Variants in MEF2A observed in about 807,000 individuals in gnomAD.
MEF2A encodes myocyte enhancer factor 2A, also known as myocyte-specific enhancer factor 2A.
In MEF2A, 28 loss-of-function variants were observed where a neutral mutation model predicts 55.8. The observed-to-expected ratio is 0.50, with a 90% CI of 0.37 to 0.69. MEF2A has a LOEUF of 0.69. Ranked by LOEUF, MEF2A falls within the 30% of genes least tolerant of loss-of-function variation. MEF2A has a pLI of 0.00. For synonymous variants in MEF2A, 239 were observed against 227.1 expected (o/e 1.05, Z -0.47); for missense variants, 528 against 626.2 (o/e 0.84, Z 1.67).
chr15:99,624,578 G>A (rs1459245804), intron 2 of MEF2A, among the ~76,000 whole-genome samples: 1 of 152,086 alleles, frequency 6.6e-6, no homozygotes, highest in Non-Finnish European at 1.5e-5. Flanking sequence ...GATTACTGTA[G>A]CATTATAGTA....
chr15:99,581,235 T>C (rs1965822408), intron 1 of MEF2A, among the ~76,000 whole-genome samples: 1 of 152,136 alleles, frequency 6.6e-6, no homozygotes, highest in African/African-American at 2.4e-5. Flanking sequence ...TTTGTAAAAA[T>C]ATCAACCAGA....
intron 7 of MEF2A, chr15:99,678,627 C>G (rs761577980): frequency 2.2e-5 from 22 of 984,002 alleles, no homozygotes; most frequent in Non-Finnish European, 2.7e-5. Context: ...TGCCTGCTTC[C>G]CTAAAATTGG....
chr15:99,600,897 A>G (rs940788982), intron 2 of MEF2A, among the ~76,000 whole-genome samples: 6 of 152,008 alleles, frequency 3.9e-5, no homozygotes, highest in East Asian at 1.9e-4. Context: ...ATTTCTTTCT[A>G]TGTAGTTTAG....
Position 99,711,071 on chromosome 15 carries a change from A to G in MEF2A, c.1136+311A>G, listed in dbSNP as rs55945746. Among the ~76,000 whole-genome samples the G allele has an allele frequency of 2.9e-3, 435 of 152,234 alleles. 1 individual carries two copies. The highest frequency in any genetic ancestry group is 4.7e-3 in the Non-Finnish European group (322 of 68,000). ...GGCACAGATACCACCCGCATGCACC[A>G]TCCTTCTGCCCTCTGACCAGTGATG... On this transcript the variant is annotated intron_variant, in intron 11 of 11. Transcript: ENST00000557942.
chr15:99,566,336 G>A (rs1959325142), intron 1 of MEF2A: 1 of 149,364 alleles, frequency 6.7e-6, no homozygotes, highest in African/African-American at 2.5e-5. Flanking sequence ...GTGCTGGGAG[G>A]CGGGTAGGGT....
At chr15:99,666,781 A>G (rs1272004794) in intron 4 of MEF2A, among the ~76,000 whole-genome samples, 2 of 152,060 alleles carry the variant, frequency 1.3e-5, no homozygotes, top group Admixed American at 6.5e-5. Context: ...CCCTAGAAAT[A>G]TTTTTAGGCA....
intron 2 of MEF2A, among the ~76,000 whole-genome samples, chr15:99,632,390 G>A (rs1449318949): frequency 1.3e-5 from 2 of 152,146 alleles, no homozygotes; most frequent in Non-Finnish European, 2.9e-5. Context: ...TGGAGGCTAG[G>A]GCAATTTGCA....
intron 2 of MEF2A, among the ~76,000 whole-genome samples, chr15:99,627,836 G>A (rs1182629476): frequency 6.6e-6 from 1 of 152,162 alleles, no homozygotes; most frequent in Non-Finnish European, 1.5e-5. Context: ...AAAAGTTGAG[G>A]AAGTGTTAAA....
At chr15:99,569,174 A>G (rs1257638521) in intron 1 of MEF2A, among the ~76,000 whole-genome samples, 6 of 152,232 alleles carry the variant, frequency 3.9e-5, no homozygotes, top group African/African-American at 7.2e-5. Flanking sequence ...GAGTTGAGAT[A>G]TCTCCTGTAA....
At chr15:99,665,887 A>T (rs1316415320) in intron 4 of MEF2A, among the ~76,000 whole-genome samples, 1 of 152,076 alleles carries the variant, frequency 6.6e-6, no homozygotes, top group African/African-American at 2.4e-5. Flanking sequence ...CCATCATGAG[A>T]TACCATCTCA....
At chr15:99,654,199 G>A (rs1406979811) in intron 4 of MEF2A, among the ~76,000 whole-genome samples, 1 of 152,042 alleles carries the variant, frequency 6.6e-6, no homozygotes, top group Non-Finnish European at 1.5e-5. Context: ...TAGATATTTT[G>A]TGAAAGTTAT....
chr15:99,621,724 C>G (rs972026061), intron 2 of MEF2A, among the ~76,000 whole-genome samples: 5 of 152,142 alleles, frequency 3.3e-5, no homozygotes, highest in African/African-American at 1.2e-4. Context: ...AAAATTAAAT[C>G]CTTAAGTTCC....
chr15:99,641,311 C>T (rs1184188487), intron 3 of MEF2A, among the ~76,000 whole-genome samples: 2 of 152,188 alleles, frequency 1.3e-5, no homozygotes, highest in African/African-American at 4.8e-5. Context: ...AGGTTTCATT[C>T]TGGAGGGCGT....
At chr15:99,613,101 T>G (rs1249907729) in intron 2 of MEF2A, among the ~76,000 whole-genome samples, 1 of 152,234 alleles carries the variant, frequency 6.6e-6, no homozygotes, top group Non-Finnish European at 1.5e-5. Context: ...AATCAGTGTT[T>G]GAATAAAGAG....
intron 1 of MEF2A, among the ~76,000 whole-genome samples, chr15:99,596,156 A>G (rs186258157): frequency 1.3e-5 from 2 of 152,332 alleles, no homozygotes; most frequent in African/African-American, 4.8e-5. Context: ...GTAACAGTAC[A>G]TTTATATAAT....
At chr15:99,679,472 T>G (rs2052781951) in intron 7 of MEF2A, among the ~76,000 whole-genome samples, 1 of 152,242 alleles carries the variant, frequency 6.6e-6, no homozygotes, top group African/African-American at 2.4e-5. Flanking sequence ...ATACTCAAGA[T>G]TCTAACTATA....
intron 10 of MEF2A, among the ~76,000 whole-genome samples, chr15:99,709,323 T>A (rs1276339405): frequency 6.6e-6 from 1 of 152,032 alleles, no homozygotes; most frequent in African/African-American, 2.4e-5. Context: ...GTACTAAGAG[T>A]ACTTAAGGAG....
intron 3 of MEF2A, among the ~76,000 whole-genome samples, chr15:99,640,296 TG>T (rs2044645741): frequency 6.6e-6 from 1 of 152,200 alleles, no homozygotes; most frequent in South Asian, 2.1e-4. Context: ...TATATTTTAT[TG>T]ATTTAATAAT....
At chr15:99,599,568 A>G (rs377064325) in intron 2 of MEF2A, among the ~76,000 whole-genome samples, 115 of 152,266 alleles carry the variant, frequency 7.6e-4, no homozygotes, top group Middle Eastern at 3.4e-3. Context: ...TTTTCTTGTT[A>G]TAACTTGACT....
Sources: allele counts gnomAD v4.1 joint callset (sites outside exome capture counted in the v4.1 genomes callset), GRCh38; gene constraint gnomAD v4.1.1; transcripts MANE v1.5; gene names NCBI Gene and HGNC (gene_info 2026-07-23, HGNC 2026-07-21).